STAG3: variants seen among roughly 807,000 people sequenced by gnomAD.
STAG3 encodes the protein cohesin subunit SA-3.
STAG3 carries 101 observed loss-of-function variants against 160.7 expected under a neutral mutation model. The observed-to-expected ratio is 0.63, with a 90% CI of 0.54 to 0.74. STAG3 has a LOEUF of 0.74. STAG3 is among the 30% of genes least tolerant of loss of function. STAG3 has a pLI of 0.00. For missense variants in STAG3, 1,188 were observed against 1,517.4 expected (o/e 0.78, Z 3.61); for synonymous variants, 519 against 585.0 (o/e 0.89, Z 1.63).
intron 29 of STAG3, among the ~76,000 whole-genome samples, chr7:100,209,068 CAAAG>C (rs1232674413): frequency 1.3e-5 from 2 of 151,988 alleles, no homozygotes; most frequent in Non-Finnish European, 2.9e-5. Context: ...GGGAGCAAGA[CAAAG>C]AAACTATTTG....
At chr7:100,192,209 A>G (rs1184837108) in intron 8 of STAG3, among the ~76,000 whole-genome samples, 33 of 152,138 alleles carry the variant, frequency 2.2e-4, no homozygotes, top group Admixed American at 2.1e-3. Flanking sequence ...ATGAACCACA[A>G]ATGTTCTTTA....
downstream of STAG3, among the ~76,000 whole-genome samples, chr7:100,216,296 T>G (rs1802744332): frequency 1.3e-5 from 2 of 151,812 alleles, no homozygotes; most frequent in Admixed American, 1.3e-4. Flanking sequence ...TTTGTATCAG[T>G]TTTTTAAAAA....
At chr7:100,213,361 G>C (rs1206913071) in intron 32 of STAG3, 2 of 985,324 alleles carry the variant, frequency 2.0e-6, no homozygotes, top group Non-Finnish European at 2.4e-6. Flanking sequence ...TCTCTGCAGG[G>C]AAGGAAAAAG....
intron 18 of STAG3, 74 bp downstream of exon 18, chr7:100,200,616 T>C: frequency 1.3e-6 from 2 of 1,565,704 alleles, no homozygotes; most frequent in Non-Finnish European, 1.7e-6. Flanking sequence ...GTATCTTTTT[T>C]TCCTAAGAAC....
chr7:100,192,644 G>A (rs980693296), intron 8 of STAG3, among the ~76,000 whole-genome samples: 3 of 152,204 alleles, frequency 2.0e-5, no homozygotes, highest in African/African-American at 7.2e-5. Context: ...AGACCGGAAT[G>A]TACTGGTGCA....
In STAG3 at chr7:100,200,768, G is replaced by A. The variant is rs759270119; in HGVS notation, c.1861-1G>A. The A allele has an allele frequency of 6.8e-6, 11 of 1,613,966 alleles. No individual in the cohort carries two copies. The South Asian group carries it at 1.2e-4, about 18-fold the overall frequency. ...CACCATCTTCTGCCTTTTCTTCTCA[G>A]CACCTGGAGCTGTTCCTGCAGCAAC... is the stretch of plus-strand genomic sequence containing the variant. On this transcript the variant is annotated splice_acceptor_variant, in intron 18 of 33. Transcript: ENST00000615138. LOFTEE classifies it high-confidence loss of function.
At chr7:100,178,184 CCA>C (rs1286067119) in intron 1 of STAG3, 179 bp downstream of exon 1, 2 of 152,266 alleles carry the variant, frequency 1.3e-5, no homozygotes, top group Non-Finnish European at 2.9e-5. Flanking sequence ...CCCCAGGCCT[CCA>C]TAGACTGAGA....
chr7:100,197,693 G>A (rs1361347541), intron 10 of STAG3, 85 bp from the exon 11 acceptor site: 25 of 1,063,384 alleles, frequency 2.4e-5, no homozygotes, highest in East Asian at 1.7e-4. Flanking sequence ...ATGAGGGATC[G>A]GAGAGGGGAG....
intron 29 of STAG3, among the ~76,000 whole-genome samples, chr7:100,205,998 G>A (rs1377703942): frequency 6.6e-6 from 1 of 151,950 alleles, no homozygotes; most frequent in African/African-American, 2.4e-5. Context: ...CTTATAAGTT[G>A]CCTAAGGTTT....
In STAG3 at chr7:100,199,331, G is replaced by A. The variant is rs759043323; in HGVS notation, c.1537G>A (p.Glu513Lys). The change falls in exon 15 of 34, where the codon GAG becomes AAG. Residue 513 changes from glutamate to lysine, a missense_variant. Physicochemically the swap from Glu to Lys is moderately conservative, Grantham distance 56. Transcript: ENST00000615138. ...TGCAGGGGCTCGGCTGAAGGACTGGGAGGGTCTGACAAGCCTGCTGCTGGA... is the reference window on the plus strand; with the variant it reads ...TGCAGGGGCTCGGCTGAAGGACTGGAAGGGTCTGACAAGCCTGCTGCTGGA... Reference protein sequence around the residue: ...DCAGARLKDWEGLTSLLLEKD... With the variant: ...DCAGARLKDWKGLTSLLLEKD... 1 of 1,614,152 alleles carries A rather than the reference G, an allele frequency of 6.2e-7. No individual in the cohort carries two copies.
Position 100,195,396 on chromosome 7 carries a change from CCT to C in STAG3, c.941+20_941+21del, listed in dbSNP as rs1300975261. 1 of 1,610,562 alleles carries C rather than the reference CCT, an allele frequency of 6.2e-7. No individual in the cohort carries two copies. Among genetic ancestry groups the C allele is most frequent in the Non-Finnish European group, 8.5e-7 (1 of 1,177,974 alleles). On this transcript the variant is annotated intron_variant, in intron 9 of 33. Transcript: ENST00000615138. ...TCATCGGTACAGGTGAGCTAATGGG[CCT>C]CTCTCATTGAAGCAGCTGGCCTTTG...
At position 100,188,410 on chromosome 7, in the gene STAG3, C is replaced by T. The variant is rs749349146; in HGVS notation, c.434-43C>T. 3 of 1,253,358 alleles carry T rather than the reference C, an allele frequency of 2.4e-6. 1 individual carries two copies. In the South Asian group the frequency reaches 3.6e-5, roughly 15 times the overall value. The allele number at this position is 1,253,358 out of a possible 1,614,324, so 77.6% of individuals were successfully genotyped here. On this transcript the variant is annotated intron_variant, in intron 5 of 33. Coordinates refer to ENST00000615138, the MANE Select transcript of STAG3 (RefSeq NM_001282717.2). ...TATATCTGTAAATGATCAAAGCATCCTGTTATTTTCCTTGTAAGCACCTCA... is the reference window on the plus strand; with the variant it reads ...TATATCTGTAAATGATCAAAGCATCTTGTTATTTTCCTTGTAAGCACCTCA...
At chr7:100,205,502 C>A in intron 29 of STAG3, 118 bp downstream of exon 29, 1 of 1,095,634 alleles carries the variant, frequency 9.1e-7, no homozygotes, top group Non-Finnish European at 1.3e-6. Flanking sequence ...TAATTTCTTT[C>A]AAGGTTTATC....
At chr7:100,209,271 A>G (rs1175571207) in intron 29 of STAG3, among the ~76,000 whole-genome samples, 1 of 152,172 alleles carries the variant, frequency 6.6e-6, no homozygotes, top group East Asian at 1.9e-4. Flanking sequence ...ATTTCAGCCT[A>G]TTGGCCTCCC....
intron 3 of STAG3, 42 bp from the exon 4 acceptor site, chr7:100,182,677 CTTTT>C: frequency 1.2e-6 from 2 of 1,602,718 alleles, no homozygotes; most frequent in Non-Finnish European, 1.7e-6. Flanking sequence ...TCACTGTTAC[CTTTT>C]TTGTTTTTTT....
At chr7:100,195,937 C>G (rs1393265958) in intron 9 of STAG3, among the ~76,000 whole-genome samples, 1 of 152,140 alleles carries the variant, frequency 6.6e-6, no homozygotes, top group African/African-American at 2.4e-5. Flanking sequence ...CACAACCAGC[C>G]TGACCAACAT....
downstream of STAG3, among the ~76,000 whole-genome samples, chr7:100,216,035 T>G (rs1204398896): frequency 6.6e-6 from 1 of 152,192 alleles, no homozygotes; most frequent in Non-Finnish European, 1.5e-5. Context: ...CCAACATCCA[T>G]GTTGGCTGCC....
downstream of STAG3, among the ~76,000 whole-genome samples, chr7:100,216,301 T>A (rs1474003002): frequency 4.0e-5 from 6 of 151,422 alleles, no homozygotes; most frequent in Non-Finnish European, 8.9e-5. Flanking sequence ...ATCAGTTTTT[T>A]AAAAAATTGT....
downstream of STAG3, among the ~76,000 whole-genome samples, chr7:100,217,152 G>A (rs528872926): frequency 4.1e-4 from 62 of 152,248 alleles, no homozygotes; most frequent in Non-Finnish European, 7.3e-4. Flanking sequence ...GCCAAGAAGC[G>A]ATACTGTCTT....
Sources: allele counts gnomAD v4.1 joint callset (sites outside exome capture counted in the v4.1 genomes callset), GRCh38; gene constraint gnomAD v4.1.1; transcripts MANE v1.5; gene names NCBI Gene and HGNC (gene_info 2026-07-23, HGNC 2026-07-21).